OR52H1: variants seen among roughly 807,000 people sequenced by gnomAD.
The protein encoded by OR52H1 is olfactory receptor 52H1.
For synonymous variants in OR52H1, 148 were observed against 138.6 expected (o/e 1.07, Z -0.48); for missense variants, 383 against 396.4 (o/e 0.97, Z 0.29).
At position 5,545,208 on chromosome 11, in the gene OR52H1, G is replaced by A. The variant is rs1564845466; in HGVS notation, c.298C>T (p.Leu100Phe). The change falls in exon 2 of 2, where the codon CTT becomes TTT. Residue 100 changes from leucine to phenylalanine, a missense_variant. By Grantham distance (22) the Leu-to-Phe change is conservative. Coordinates refer to ENST00000322653, the MANE Select transcript of OR52H1 (RefSeq NM_001005289.5). ...GAREITFPGCLTQMFFLHYNF... is the reference protein window; with the variant it reads ...GAREITFPGCFTQMFFLHYNF... ...TAGTGAAGGAAGAACATTTGTGTAA[G>A]GCATCCTGGGAATGTGATTTCGCGA... is the stretch of plus-strand genomic sequence containing the variant. 6.2e-7 allele frequency: 1 copy of A among 1,614,156 alleles called. No homozygotes were observed. The highest frequency in any genetic ancestry group is 1.1e-5 in the South Asian group (1 of 91,074).
At chr11:5,546,210 C>T (rs1327140536) in intron 1 of OR52H1, among the ~76,000 whole-genome samples, 1 of 150,958 alleles carries the variant, frequency 6.6e-6, no homozygotes, top group Non-Finnish European at 1.5e-5. Context: ...AATAGTTTTC[C>T]AACACTTTAT....
In OR52H1 at chr11:5,548,490, G is replaced by A. The variant is rs1362586756; in HGVS notation, c.-69C>T. On this transcript the variant is annotated 5_prime_UTR_variant, in exon 1 of 2. Coordinates refer to ENST00000322653, the MANE Select transcript of OR52H1 (RefSeq NM_001005289.5). ...TCAGGCCAAAGGGAAAGAAGAAAGA[G>A]TGTGTTGACAAAATCTACAAGACAG... The A allele has an allele frequency of 6.6e-6, 1 of 151,564 alleles. No homozygotes were observed. The highest frequency in any genetic ancestry group is 1.5e-5 in the Non-Finnish European group (1 of 68,044). 9.4% of individuals were successfully genotyped at this position (151,564 alleles called of 1,614,324 possible). A position where few individuals can be genotyped will look rare whatever the true frequency, so the allele number is the denominator to read the frequency against.
Position 5,545,033 on chromosome 11 carries a change from A to G in OR52H1, c.473T>C (p.Ile158Thr), listed in dbSNP as rs1846830561. The G allele has an allele frequency of 6.2e-7, 1 of 1,614,194 alleles. No homozygotes were observed. The highest frequency in any genetic ancestry group is 1.1e-5 in the South Asian group (1 of 91,080). The change falls in exon 2 of 2, where the codon ATC becomes ACC. Residue 158 changes from isoleucine (I) to threonine (T), a missense_variant. Physicochemically the swap from Ile to Thr is moderately conservative, Grantham distance 89 (BLOSUM62 -1). Transcript: ENST00000322653. ...MGISFRSFCI[I>T]LPDVFLLTCL... Reference sequence around the variant, plus strand: ...TGTCAGCAAGAATACATCTGGCAGGATGATGCAGAAGCTTCGAAAGGAGAT... The same window carrying G: ...TGTCAGCAAGAATACATCTGGCAGGGTGATGCAGAAGCTTCGAAAGGAGAT...
chr11:5,547,341 A>G (rs1846868647), intron 1 of OR52H1, among the ~76,000 whole-genome samples: 1 of 152,194 alleles, frequency 6.6e-6, no homozygotes, highest in Non-Finnish European at 1.5e-5. Flanking sequence ...TTAAATATGG[A>G]CTAGGTATTG....
chr11:5,547,513 T>A (rs1271356650), intron 1 of OR52H1, among the ~76,000 whole-genome samples: 1 of 152,000 alleles, frequency 6.6e-6, no homozygotes, highest in African/African-American at 2.4e-5. Flanking sequence ...TTAATCCTGG[T>A]TCCACAATTT....
intron 1 of OR52H1, among the ~76,000 whole-genome samples, chr11:5,548,224 C>G (rs925799314): frequency 2.0e-5 from 3 of 151,864 alleles, no homozygotes; most frequent in African/African-American, 7.3e-5. Context: ...TGTGGTCATA[C>G]TTAACGCAGC....
intron 1 of OR52H1, among the ~76,000 whole-genome samples, chr11:5,545,910 T>C (rs571586487): frequency 1.3e-5 from 2 of 152,312 alleles, no homozygotes; most frequent in African/African-American, 4.8e-5. Flanking sequence ...ATAGCTCATA[T>C]GACCTTATGG....
At chr11:5,547,187 C>G (rs556992457) in intron 1 of OR52H1, among the ~76,000 whole-genome samples, 123 of 152,080 alleles carry the variant, frequency 8.1e-4, no homozygotes, top group Non-Finnish European at 1.4e-3. Context: ...AACTCCTGAC[C>G]TTAGGTGATC....
At position 5,544,568 on chromosome 11, in the gene OR52H1, G is replaced by T. The variant is rs1846819284; in HGVS notation, c.938C>A (p.Thr313Lys). The change falls in exon 2 of 2, where the codon ACA (threonine) becomes AAA (lysine). Residue 313 changes from threonine (T) to lysine (K), a missense_variant. By Grantham distance (78) the Thr-to-Lys change is moderately conservative. Transcript: ENST00000322653. ...ACTTATCCTAGTAAAACATCATCCT[G>T]TACCCTTAGAAAACAAAAGTATAAC... ...DKVILLFSKG[T>K]G 6.3e-7 allele frequency: 1 copy of T among 1,587,552 alleles called. No homozygotes were observed. The highest frequency in any genetic ancestry group is 1.7e-5 in the Admixed American group (1 of 57,290).
In OR52H1 at chr11:5,544,965, A is replaced by G; in HGVS notation, c.541T>C (p.Cys181Arg). The change falls in exon 2 of 2, where the codon TGT becomes CGT. Residue 181 changes from cysteine (C) to arginine (R), a missense_variant. By Grantham distance (180) the Cys-to-Arg change is radical (BLOSUM62 -3). Coordinates refer to ENST00000322653, the MANE Select transcript of OR52H1 (RefSeq NM_001005289.5). ...AGCTGGGCAACACCTATATGCTCACAGTATGTGTGGGGTATGATGCGTGTC... is the reference window on the plus strand; with the variant it reads ...AGCTGGGCAACACCTATATGCTCACGGTATGTGTGGGGTATGATGCGTGTC... ...CRTRIIPHTY[C>R]EHIGVAQLAC... 1 of 1,614,198 alleles carries G rather than the reference A, an allele frequency of 6.2e-7. No homozygotes were observed. Among genetic ancestry groups the G allele is most frequent in the Non-Finnish European group, 8.5e-7 (1 of 1,180,030 alleles).
In OR52H1 at chr11:5,545,132, T is replaced by G; in HGVS notation, c.374A>C (p.Tyr125Ser). Residue 125 changes from tyrosine (Y) to serine (S), a missense_variant, in exon 2 of 2, where the codon TAT (tyrosine) becomes TCT (serine). Transcript: ENST00000322653. ...TCTCAAGGGAGAACAGATAGCTACA[T>G]AGTGATCAAATGCCATGGCCATCAG... ...AILMAMAFDH[Y>S]VAICSPLRYT... 6.2e-7 allele frequency: 1 copy of G among 1,614,060 alleles called. No individual in the cohort carries two copies. The highest frequency in any genetic ancestry group is 8.5e-7 in the Non-Finnish European group (1 of 1,180,002).
chr11:5,544,942 C>G lies in OR52H1; in HGVS notation c.564G>C (p.Gln188His), dbSNP rs749248985. Reference sequence around the variant, plus strand: ...TGATGGAGATATCAGCACAGGCGAGCTGGGCAACACCTATATGCTCACAGT... The same window carrying G: ...TGATGGAGATATCAGCACAGGCGAGGTGGGCAACACCTATATGCTCACAGT... ...HTYCEHIGVA[Q>H]LACADISINF... The change falls in exon 2 of 2, where the codon CAG (glutamine) becomes CAC (histidine). Residue 188 changes from glutamine (Q) to histidine (H), a missense_variant. Physicochemically the swap from Gln to His is conservative, Grantham distance 24. Transcript: ENST00000322653. 2 of 1,614,182 alleles carry G rather than the reference C, an allele frequency of 1.2e-6. No individual in the cohort carries two copies. Among genetic ancestry groups the G allele is most frequent in the Non-Finnish European group, 1.7e-6 (2 of 1,180,040 alleles).
At position 5,544,968 on chromosome 11, in the gene OR52H1, A is replaced by T. The variant is rs2133762003; in HGVS notation, c.538T>A (p.Tyr180Asn). The change falls in exon 2 of 2, where the codon TAC (tyrosine) becomes AAC (asparagine). Residue 180 changes from tyrosine to asparagine, a missense_variant. Coordinates refer to ENST00000322653, the MANE Select transcript of OR52H1 (RefSeq NM_001005289.5). ...TGGGCAACACCTATATGCTCACAGTATGTGTGGGGTATGATGCGTGTCCTG... is the reference window on the plus strand; with the variant it reads ...TGGGCAACACCTATATGCTCACAGTTTGTGTGGGGTATGATGCGTGTCCTG... ...FCRTRIIPHT[Y>N]CEHIGVAQLA... is the part of the protein sequence containing the mutation. The T allele has an allele frequency of 6.2e-7, 1 of 1,614,190 alleles. No individual in the cohort carries two copies. Among genetic ancestry groups the T allele is most frequent in the Non-Finnish European group, 8.5e-7 (1 of 1,180,020 alleles).
In OR52H1 at chr11:5,545,463, T is replaced by G; in HGVS notation, c.43A>C (p.Ile15Leu). 6.2e-7 allele frequency: 1 copy of G among 1,614,104 alleles called. No homozygotes were observed. Among genetic ancestry groups the G allele is most frequent in the Non-Finnish European group, 8.5e-7 (1 of 1,179,952 alleles). ...NLSSYNPGPF[I>L]LVGIPGLEQF... ...TCCAGGCCTGGGATCCCTACCAGAA[T>G]GAAGGGTCCTGGATTGTAACTGCTC... Residue 15 changes from isoleucine (I) to leucine (L), a missense_variant, in exon 2 of 2, where the codon ATT (isoleucine) becomes CTT (leucine). By Grantham distance (5) the Ile-to-Leu change is conservative. Coordinates refer to ENST00000322653, the MANE Select transcript of OR52H1 (RefSeq NM_001005289.5).
chr11:5,544,772 G>A lies in OR52H1; in HGVS notation c.734C>T (p.Ser245Phe), dbSNP rs141221247. The A allele has an allele frequency of 2.6e-3, 4,179 of 1,614,116 alleles. 5 individuals carry two copies. The highest frequency in any genetic ancestry group is 3.4e-3 in the Non-Finnish European group (3,955 of 1,180,000). Reference protein sequence around the residue: ...ACQKALGTCGSHVCVILMFYT... With the variant: ...ACQKALGTCGFHVCVILMFYT... ...AAACATGAGGATGACACAGACATGA[G>A]AACCACAAGTGCCGAGGGCTTTCTG... is the stretch of plus-strand genomic sequence containing the variant. Residue 245 changes from serine to phenylalanine, a missense_variant, in exon 2 of 2, where the codon TCT becomes TTT. By Grantham distance (155) the Ser-to-Phe change is radical. Coordinates refer to ENST00000322653, the MANE Select transcript of OR52H1 (RefSeq NM_001005289.5).
rs1202441948 is a variant in OR52H1 at position 5,545,185 on chromosome 11, G to C, written c.321C>G (p.His107Gln). The change falls in exon 2 of 2, where the codon CAC becomes CAG. Residue 107 changes from histidine to glutamine, a missense_variant. Coordinates refer to ENST00000322653, the MANE Select transcript of OR52H1 (RefSeq NM_001005289.5). ...PGCLTQMFFLHYNFVLDSAIL... is the reference protein window; with the variant it reads ...PGCLTQMFFLQYNFVLDSAIL... ...TGGCTGAATCCAGGACAAAGTTATA[G>C]TGAAGGAAGAACATTTGTGTAAGGC... 1.9e-6 allele frequency: 3 copies of C among 1,614,076 alleles called. No individual in the cohort carries two copies. The highest frequency in any genetic ancestry group is 2.7e-5 in the African/African-American group (2 of 74,924).
In OR52H1 at chr11:5,544,644, C is replaced by A. The variant is rs1337844723; in HGVS notation, c.862G>T (p.Ala288Ser). Reference sequence around the variant, plus strand: ...ACTCCGTAAACCATGGGGTTGAGTGCAGGTGGGATAACAATGTAGAGATTG... The same window carrying A: ...ACTCCGTAAACCATGGGGTTGAGTGAAGGTGGGATAACAATGTAGAGATTG... ...FANLYIVIPP[A>S]LNPMVYGVKT... is the part of the protein sequence containing the mutation. Residue 288 changes from alanine to serine, a missense_variant, in exon 2 of 2, where the codon GCA becomes TCA. Transcript: ENST00000322653. 6.2e-7 allele frequency: 1 copy of A among 1,614,072 alleles called. No individual in the cohort carries two copies. The highest frequency in any genetic ancestry group is 1.1e-5 in the South Asian group (1 of 91,080).
At position 5,545,039 on chromosome 11, in the gene OR52H1, C is replaced by CAT; in HGVS notation, c.466_467insAT (p.Cys156TyrfsTer11). On this transcript the variant is annotated frameshift_variant, in exon 2 of 2. Transcript: ENST00000322653. LOFTEE classifies it low-confidence loss of function (END_TRUNC). ...CAAGAATACATCTGGCAGGATGATG[C>CAT]AGAAGCTTCGAAAGGAGATGCCCAT... 1 of 1,614,124 alleles carries CAT rather than the reference C, an allele frequency of 6.2e-7. No homozygotes were observed. Among genetic ancestry groups the CAT allele is most frequent in the Non-Finnish European group, 8.5e-7 (1 of 1,180,024 alleles).
chr11:5,545,139 C>A lies in OR52H1; in HGVS notation c.367G>T (p.Asp123Tyr). 6.2e-7 allele frequency: 1 copy of A among 1,614,126 alleles called. No individual in the cohort carries two copies. The highest frequency in any genetic ancestry group is 1.1e-5 in the South Asian group (1 of 91,038). ...DSAILMAMAFDHYVAICSPLR... is the reference protein window; with the variant it reads ...DSAILMAMAFYHYVAICSPLR... The stretch of plus-strand genomic sequence containing the variant: ...GGAGAACAGATAGCTACATAGTGAT[C>A]AAATGCCATGGCCATCAGAATGGCT... Residue 123 changes from aspartate (D) to tyrosine (Y), a missense_variant, in exon 2 of 2, where the codon GAT becomes TAT. By Grantham distance (160) the Asp-to-Tyr change is radical. Coordinates refer to ENST00000322653, the MANE Select transcript of OR52H1 (RefSeq NM_001005289.5).
Sources: allele counts gnomAD v4.1 joint callset (sites outside exome capture counted in the v4.1 genomes callset), GRCh38; gene constraint gnomAD v4.1.1; transcripts MANE v1.5; gene names NCBI Gene and HGNC (gene_info 2026-07-23, HGNC 2026-07-21).